DLGAP2: variants seen among roughly 807,000 people sequenced by gnomAD.
DLGAP2 encodes DLG associated protein 2, also known as disks large-associated protein 2.
A neutral mutation model predicts 100.3 loss-of-function variants in DLGAP2; 26 were observed. The observed-to-expected ratio is 0.26, with a 90% CI of 0.19 to 0.36. The LOEUF is 0.36. DLGAP2 is among the 10% of genes least tolerant of loss of function. The pLI is 1.00. For synonymous variants in DLGAP2, 886 were observed against 630.1 expected (o/e 1.41, Z -6.08); for missense variants, 1,858 against 1,453.2 (o/e 1.28, Z -4.53).
intron 2 of DLGAP2, among the ~76,000 whole-genome samples, chr8:1,075,925 GA>G (rs1803592883): frequency 6.6e-6 from 1 of 151,754 alleles, no homozygotes; most frequent in Non-Finnish European, 1.5e-5. Context: ...CAAAAAAAAA[GA>G]AAAAAGACCC....
rs371487196 is a variant in DLGAP2, at chr8:1,315,827, C to T, written c.106+56944C>T. On this transcript the variant is annotated intron_variant, in intron 3 of 14. Transcript: ENST00000637795. ...AACAGTGGTCTACACTCGAGAAACT[C>T]GGCAGCGTTTAAAAATAGAGCCTGT... Among the ~76,000 whole-genome samples the T allele has an allele frequency of 5.9e-5, 5 of 84,218 alleles. No individual in the cohort carries two copies. In the East Asian group the frequency reaches 9.6e-4, roughly 16 times the overall value. 55.3% of individuals were successfully genotyped at this position (84,218 alleles called of 152,430 possible). A position where few individuals can be genotyped will look rare whatever the true frequency, so the allele number is the denominator to read the frequency against.
rs547714471 is a variant in DLGAP2, at chr8:947,283, G to A, written c.73+39317G>A. Reference sequence around the variant, plus strand: ...GGGTCCACTCTCGTTCCTGTCAGGGGCTGGGCGCCAGGTGGTTTGGGCCCT... The same window carrying A: ...GGGTCCACTCTCGTTCCTGTCAGGGACTGGGCGCCAGGTGGTTTGGGCCCT... On this transcript the variant is annotated intron_variant, in intron 2 of 14. Transcript: ENST00000637795. Among the ~76,000 whole-genome samples, 29 of 152,316 alleles carry A rather than the reference G, an allele frequency of 1.9e-4. 1 individual carries two copies. In the South Asian group the frequency reaches 5.6e-3, roughly 29 times the overall value.
chr8:1,576,108 TC>T (rs1370131549), intron 6 of DLGAP2, among the ~76,000 whole-genome samples: 1 of 152,166 alleles, frequency 6.6e-6, no homozygotes, highest in Non-Finnish European at 1.5e-5. Context: ...TTCCTATTTC[TC>T]CACATCCTCT....
intron 2 of DLGAP2, among the ~76,000 whole-genome samples, chr8:1,253,187 G>GCT (rs1423526126): frequency 1.9e-4 from 29 of 152,266 alleles, no homozygotes; most frequent in African/African-American, 6.7e-4. Flanking sequence ...CCCCAGCAAC[G>GCT]CTGAGCTTGG....
At chr8:1,104,474 C>G (rs554657830) in intron 2 of DLGAP2, among the ~76,000 whole-genome samples, 1 of 152,276 alleles carries the variant, frequency 6.6e-6, no homozygotes, top group African/African-American at 2.4e-5. Flanking sequence ...AGAGCAGATG[C>G]CTTAGGGGTG....
At chr8:1,699,449 C>CA (rs35226030) in intron 14 of DLGAP2, among the ~76,000 whole-genome samples, 12,567 of 128,532 alleles carry the variant, frequency 0.098, 571 homozygotes, top group South Asian at 0.18. Context: ...ATTAAAAATA[C>CA]AAAAAAAAAA....
intron 2 of DLGAP2, among the ~76,000 whole-genome samples, chr8:1,170,545 T>G (rs1401290665): frequency 1.3e-5 from 2 of 149,626 alleles, no homozygotes; most frequent in Non-Finnish European, 3.0e-5. Flanking sequence ...CTATTGATTA[T>G]TGCCACAATT....
At chr8:1,244,569 T>C (rs4976877) in intron 2 of DLGAP2, among the ~76,000 whole-genome samples, 30,695 of 151,342 alleles carry the variant, frequency 0.2, 3,795 homozygotes, top group African/African-American at 0.34. Context: ...CTACAAATGG[T>C]ATTGGGGCAA....
At chr8:958,811 A>C (rs968744785) in intron 2 of DLGAP2, among the ~76,000 whole-genome samples, 1 of 152,196 alleles carries the variant, frequency 6.6e-6, no homozygotes, top group African/African-American at 2.4e-5. Flanking sequence ...GAGACTTAGA[A>C]TGGGAGCAGG....
rs536507506 is a variant in DLGAP2, at chr8:1,694,447, C to T, written c.2797-2700C>T. The stretch of plus-strand genomic sequence containing the variant: ...ACTGACCACAGGGAGCGGAGCCTTT[C>T]GGGACGGACCGCGGGGGGCAGAGCC... On this transcript the variant is annotated intron_variant, in intron 13 of 14. Coordinates refer to ENST00000637795, the MANE Select transcript of DLGAP2 (RefSeq NM_001346810.2). Among the ~76,000 whole-genome samples, 10 of 152,306 alleles carry T rather than the reference C, an allele frequency of 6.6e-5. No homozygotes were observed. The South Asian group carries it at 1.7e-3, about 25-fold the overall frequency.
intron 8 of DLGAP2, among the ~76,000 whole-genome samples, chr8:1,647,153 G>C (rs1305025213): frequency 2.6e-5 from 4 of 152,206 alleles, no homozygotes; most frequent in African/African-American, 9.6e-5. Flanking sequence ...GACTAGTGCA[G>C]ACAGTCCCCC....
chr8:1,006,775 C>G (rs372835261), intron 2 of DLGAP2, among the ~76,000 whole-genome samples: 1 of 97,044 alleles, frequency 1.0e-5, no homozygotes, highest in Non-Finnish European at 2.0e-5. Context: ...TCAGGGACAC[C>G]GTGTGTCTCA....
At chr8:1,352,543 G>A (rs965012691) in intron 3 of DLGAP2, among the ~76,000 whole-genome samples, 5 of 152,112 alleles carry the variant, frequency 3.3e-5, no homozygotes, top group Middle Eastern at 3.2e-3. Flanking sequence ...TTCTTAGAGT[G>A]TTTATTATAA....
At chr8:1,277,439 C>T (rs1241300426) in intron 3 of DLGAP2, among the ~76,000 whole-genome samples, 1 of 152,166 alleles carries the variant, frequency 6.6e-6, no homozygotes, top group Non-Finnish European at 1.5e-5. Flanking sequence ...ATAAAACAAA[C>T]ATCTGACCTG....
intron 3 of DLGAP2, among the ~76,000 whole-genome samples, chr8:1,265,338 AT>A (rs1799429964): frequency 6.6e-6 from 1 of 152,234 alleles, no homozygotes; most frequent in Non-Finnish European, 1.5e-5. Context: ...ATATATTATT[AT>A]AAAGTAGATT....
At chr8:961,429 T>G (rs148002938) in intron 2 of DLGAP2, among the ~76,000 whole-genome samples, 176 of 152,332 alleles carry the variant, frequency 1.2e-3, no homozygotes, top group African/African-American at 4.1e-3. Context: ...AGTCCCTGTT[T>G]GCCGAGGTTC....
At chr8:1,325,154 C>G (rs978279549) in intron 3 of DLGAP2, among the ~76,000 whole-genome samples, 2 of 152,206 alleles carry the variant, frequency 1.3e-5, no homozygotes, top group African/African-American at 4.8e-5. Context: ...GGGTCACTTT[C>G]CCCCAGTCCC....
chr8:1,538,473 G>A (rs533106027), intron 4 of DLGAP2, among the ~76,000 whole-genome samples: 57 of 152,232 alleles, frequency 3.7e-4, no homozygotes, highest in African/African-American at 1.3e-3. Flanking sequence ...TTAGATCCCC[G>A]GGCTGATTTC....
intron 2 of DLGAP2, among the ~76,000 whole-genome samples, chr8:1,223,045 G>T (rs1450459050): frequency 6.6e-6 from 1 of 152,154 alleles, no homozygotes; most frequent in Non-Finnish European, 1.5e-5. Flanking sequence ...CAACTCCTTG[G>T]GCACTTCTCC....
Sources: allele counts gnomAD v4.1 joint callset (sites outside exome capture counted in the v4.1 genomes callset), GRCh38; gene constraint gnomAD v4.1.1; transcripts MANE v1.5; gene names NCBI Gene and HGNC (gene_info 2026-07-23, HGNC 2026-07-21).